STK32C: variants seen among roughly 807,000 people sequenced by gnomAD.
STK32C encodes serine/threonine kinase 32C.
A neutral mutation model predicts 56.5 loss-of-function variants in STK32C; 31 were observed. The ratio of observed to expected loss-of-function variants is 0.55; its 90% confidence interval spans 0.41 to 0.74. The LOEUF (loss-of-function observed/expected upper bound fraction) is 0.74, where lower values mean the gene tolerates loss of function less well. STK32C is among the 30% of genes least tolerant of loss of function. The pLI, the probability that STK32C is intolerant of heterozygous loss-of-function variation, is 0.00. For missense variants in STK32C, 544 were observed against 676.9 expected (o/e 0.80, Z 2.18); for synonymous variants, 309 against 289.4 (o/e 1.07, Z -0.69).
downstream of STK32C, among the ~76,000 whole-genome samples, chr10:132,320,176 C>A (rs2066376743): frequency 2.0e-5 from 3 of 151,798 alleles, no homozygotes; most frequent in South Asian, 6.2e-4. Context: ...ACAATCCAGG[C>A]TGGGGAGGGG....
intron 1 of STK32C, among the ~76,000 whole-genome samples, chr10:132,260,652 C>T (rs1433788443): frequency 3.3e-5 from 5 of 152,232 alleles, no homozygotes; most frequent in African/African-American, 9.6e-5. Context: ...ACCCATGAGG[C>T]ACACCCCACT....
chr10:132,248,925 G>A (rs1328369478), intron 1 of STK32C: 3 of 456,274 alleles, frequency 6.6e-6, no homozygotes, highest in East Asian at 6.9e-5. Flanking sequence ...AGTTCCCAAG[G>A]TTAGTCCCTC....
chr10:132,331,043 A>G (rs1376345343), intron 1 of STK32C, among the ~76,000 whole-genome samples: 1 of 151,248 alleles, frequency 6.6e-6, no homozygotes, highest in African/African-American at 2.4e-5. Flanking sequence ...TCTACTAAAA[A>G]TACAAAAATT....
chr10:132,302,140 C>T (rs1234432717), intron 1 of STK32C, among the ~76,000 whole-genome samples: 1 of 152,238 alleles, frequency 6.6e-6, no homozygotes, highest in African/African-American at 2.4e-5. Flanking sequence ...AAACACTTGT[C>T]TGTGACTTTG....
chr10:132,310,564 G>A (rs2066200404), upstream of STK32C, among the ~76,000 whole-genome samples: 1 of 152,182 alleles, frequency 6.6e-6, no homozygotes, highest in Non-Finnish European at 1.5e-5. The surrounding 1 kb of genome is among the most constrained non-coding windows in gnomAD (Gnocchi z 4.6). Flanking sequence ...GACTGAGGCT[G>A]GGACAGAGTC....
At chr10:132,302,459 C>T (rs2065936088) in intron 1 of STK32C, among the ~76,000 whole-genome samples, 1 of 152,180 alleles carries the variant, frequency 6.6e-6, no homozygotes, top group South Asian at 2.1e-4. Flanking sequence ...CCCAGGACAC[C>T]CGGTGCTGGG....
intron 1 of STK32C, among the ~76,000 whole-genome samples, chr10:132,292,869 G>A (rs2065611491): frequency 1.3e-5 from 2 of 152,040 alleles, no homozygotes; most frequent in African/African-American, 2.4e-5. Context: ...CAAGCCCCGC[G>A]ACGACCCGCT....
intron 1 of STK32C, among the ~76,000 whole-genome samples, chr10:132,291,611 G>C (rs2065566304): frequency 6.6e-6 from 1 of 152,180 alleles, no homozygotes; most frequent in African/African-American, 2.4e-5. Flanking sequence ...TCTGAGTTTA[G>C]AATCACACCA....
intron 8 of STK32C, among the ~76,000 whole-genome samples, chr10:132,224,084 G>T (rs1399638396): frequency 6.6e-6 from 1 of 152,098 alleles, no homozygotes; most frequent in Non-Finnish European, 1.5e-5. Flanking sequence ...AAGGGGACGT[G>T]GCTCAGGGCT....
At chr10:132,298,748 C>A (rs553225895) in intron 1 of STK32C, among the ~76,000 whole-genome samples, 3 of 152,028 alleles carry the variant, frequency 2.0e-5, no homozygotes, top group South Asian at 2.1e-4. Context: ...TGTGGGGAAG[C>A]TCCCTTTGCA....
At chr10:132,210,031 A>T (rs1336619122) in intron 10 of STK32C, among the ~76,000 whole-genome samples, 1 of 152,064 alleles carries the variant, frequency 6.6e-6, no homozygotes, top group Non-Finnish European at 1.5e-5. Flanking sequence ...AGAACGCTCA[A>T]CCCTATCTAG....
Position 132,297,012 on chromosome 10 carries a change from C to G in STK32C, c.262+10560G>C, listed in dbSNP as rs2065770110. Among the ~76,000 whole-genome samples the G allele has an allele frequency of 5.9e-5, 9 of 152,336 alleles. No individual in the cohort carries two copies. In the South Asian group the frequency reaches 1.9e-3, roughly 32 times the overall value. On this transcript the variant is annotated intron_variant, in intron 1 of 11. Transcript: ENST00000298630. ...CCACAGACAGAGGCCAAGGCCTGGG[C>G]ACAGCTCTGCCCAGTGTCCTCTCCT...
chr10:132,265,524 G>GGTGCAGAGAGACGGAGGGCA (rs2064489648), intron 1 of STK32C, among the ~76,000 whole-genome samples: 1 of 152,176 alleles, frequency 6.6e-6, no homozygotes, highest in African/African-American at 2.4e-5. Flanking sequence ...GAGAGGACAC[G>GGTGCAGAGAGACGGAGGGCA]GTGCAGAGAG....
intron 1 of STK32C, among the ~76,000 whole-genome samples, chr10:132,271,187 C>T (rs1389056499): frequency 1.3e-5 from 2 of 152,174 alleles, no homozygotes; most frequent in Non-Finnish European, 2.9e-5. Context: ...TGACCCATGG[C>T]TGGGGACTGT....
chr10:132,228,563 G>A (rs1205676347), intron 2 of STK32C, among the ~76,000 whole-genome samples: 1 of 152,250 alleles, frequency 6.6e-6, no homozygotes, highest in Non-Finnish European at 1.5e-5. Flanking sequence ...GCGTGAGTTG[G>A]AGCCAAGCAG....
In STK32C at chr10:132,235,791, C is replaced by T. The variant is rs543464155; in HGVS notation, c.319-7663G>A. Among the ~76,000 whole-genome samples, 9 of 152,302 alleles carry T rather than the reference C, an allele frequency of 5.9e-5. No homozygotes were observed. In the South Asian group the frequency reaches 1.9e-3, roughly 32 times the overall value. On this transcript the variant is annotated intron_variant, in intron 2 of 11. Transcript: ENST00000298630. The stretch of plus-strand genomic sequence containing the variant: ...TTGAGAGAAACCATCAGAAGACATT[C>T]ACAGACACTGGGAGAACACAAGCCT...
intron 1 of STK32C, among the ~76,000 whole-genome samples, chr10:132,279,620 AATCATGCCACTCCACTCCCTG>A (rs1313430492): frequency 2.5e-4 from 31 of 125,300 alleles, no homozygotes; most frequent in Admixed American, 3.0e-4. Flanking sequence ...TGCACTCTGT[AATCATGCCACTCCACTCCCTG>A]ATCATGCCAC....
chr10:132,272,150 T>C (rs1340858811), intron 1 of STK32C, among the ~76,000 whole-genome samples: 1 of 152,110 alleles, frequency 6.6e-6, no homozygotes, highest in Non-Finnish European at 1.5e-5. Context: ...TGTGTGGAGA[T>C]GAGATCTTCA....
intron 2 of STK32C, among the ~76,000 whole-genome samples, chr10:132,235,018 C>A (rs1321417798): frequency 6.6e-6 from 1 of 151,958 alleles, no homozygotes; most frequent in African/African-American, 2.4e-5. Flanking sequence ...CTGGTGTGAG[C>A]GGTGTGAGCA....
Sources: allele counts gnomAD v4.1 joint callset (sites outside exome capture counted in the v4.1 genomes callset), GRCh38; gene constraint gnomAD v4.1.1; non-coding constraint Gnocchi (gnomAD v3.1); transcripts MANE v1.5; gene names NCBI Gene and HGNC (gene_info 2026-07-23, HGNC 2026-07-21).